The following CNTNAP2 variants were observed in gnomAD, a reference collection of about 807,000 sequenced individuals.
CNTNAP2 encodes contactin-associated protein-like 2.
A neutral mutation model predicts 155.2 loss-of-function variants in CNTNAP2; 98 were observed. The observed-to-expected ratio is 0.63, with a 90% CI of 0.54 to 0.75. CNTNAP2 has a LOEUF of 0.75. Among genes scored for constraint, CNTNAP2 ranks in the 30% least tolerant of loss-of-function variants. The pLI, the probability that CNTNAP2 is intolerant of heterozygous loss-of-function variation, is 0.00. For synonymous variants in CNTNAP2, 651 were observed against 631.2 expected, an observed-to-expected ratio of 1.03 and a Z score of -0.47; for missense variants, 1,727 against 1,688.1, an observed-to-expected ratio of 1.02 and a Z score of -0.40.
At position 146,419,021 on chromosome 7, in the gene CNTNAP2, C is replaced by T. The variant is rs1464281584; in HGVS notation, c.97+302048C>T. On this transcript the variant is annotated intron_variant, in intron 1 of 23. Coordinates refer to ENST00000361727, the MANE Select transcript of CNTNAP2 (RefSeq NM_014141.6). Reference sequence around the variant, plus strand: ...CTAGCCTTTTGTATTTGTCCATTTTCACACTGCTGATAAAGTCATACCTGA... The same window carrying T: ...CTAGCCTTTTGTATTTGTCCATTTTTACACTGCTGATAAAGTCATACCTGA... 2.0e-5 allele frequency among the ~76,000 whole-genome samples: 3 copies of T among 152,124 alleles called. No homozygotes were observed. In the East Asian group the frequency reaches 5.8e-4, roughly 29 times the overall value.
intron 1 of CNTNAP2, among the ~76,000 whole-genome samples, chr7:146,446,832 G>C (rs1410463407): frequency 1.3e-5 from 2 of 151,848 alleles, no homozygotes; most frequent in African/African-American, 4.8e-5. Flanking sequence ...CGCTTTTATT[G>C]TTCTATATTC....
chr7:147,190,054 T>G (rs934535529), intron 8 of CNTNAP2, among the ~76,000 whole-genome samples: 5 of 152,106 alleles, frequency 3.3e-5, no homozygotes, highest in Non-Finnish European at 2.9e-5. Flanking sequence ...TTAACACCAC[T>G]TTTTGAAGAT....
chr7:146,275,177 A>C (rs1800144765), intron 1 of CNTNAP2, among the ~76,000 whole-genome samples: 1 of 152,198 alleles, frequency 6.6e-6, no homozygotes, highest in Non-Finnish European at 1.5e-5. Flanking sequence ...TGTATCAAAT[A>C]GATAAGATTT....
chr7:147,596,219 G>A (rs957666214), intron 12 of CNTNAP2, among the ~76,000 whole-genome samples: 7 of 151,982 alleles, frequency 4.6e-5, no homozygotes, highest in South Asian at 2.1e-4. Flanking sequence ...ATACACACTC[G>A]TCTCTCTTTC....
At chr7:147,132,828 T>C (rs993539814) in intron 8 of CNTNAP2, among the ~76,000 whole-genome samples, 17 of 152,166 alleles carry the variant, frequency 1.1e-4, no homozygotes, top group Non-Finnish European at 7.4e-5. Context: ...AAACAAGGAA[T>C]GTTTATTTTA....
At chr7:148,092,275 T>C (rs1454682619) in intron 15 of CNTNAP2, among the ~76,000 whole-genome samples, 1 of 152,188 alleles carries the variant, frequency 6.6e-6, no homozygotes, top group East Asian at 1.9e-4. Context: ...GGGAAAGTCC[T>C]TGTTTTCTAT....
intron 13 of CNTNAP2, among the ~76,000 whole-genome samples, chr7:147,834,136 C>G (rs1584980807): frequency 6.6e-6 from 1 of 152,178 alleles, no homozygotes; most frequent in South Asian, 2.1e-4. Context: ...CCCTAGCTCT[C>G]CTGTAACAGG....
chr7:147,102,632 C>A (rs1205688586), intron 4 of CNTNAP2, among the ~76,000 whole-genome samples: 8 of 152,196 alleles, frequency 5.3e-5, no homozygotes, highest in Admixed American at 2.0e-4. Flanking sequence ...GTTCCATTTT[C>A]CCCAAAGTAG....
At chr7:147,613,232 G>A (rs1166078831) in intron 12 of CNTNAP2, among the ~76,000 whole-genome samples, 1 of 152,106 alleles carries the variant, frequency 6.6e-6, no homozygotes, top group Non-Finnish European at 1.5e-5. Flanking sequence ...GTATTTCCCT[G>A]GTTACTGTGA....
chr7:147,134,004 A>G (rs1349575043), intron 8 of CNTNAP2, among the ~76,000 whole-genome samples: 1 of 152,082 alleles, frequency 6.6e-6, no homozygotes, highest in East Asian at 1.9e-4. Flanking sequence ...AGATAAAACA[A>G]AAACAAAAGC....
Position 146,878,848 on chromosome 7 carries a change from A to G in CNTNAP2, c.402+38944A>G, listed in dbSNP as rs182337133. 2.6e-5 allele frequency among the ~76,000 whole-genome samples: 4 copies of G among 152,240 alleles called. No homozygotes were observed. In the East Asian group the frequency reaches 5.8e-4, roughly 22 times the overall value. ...ACTCCCCATTGAAATGTCCAACTCA[A>G]AGCAGCTCTGACCACTTTCAAGAAC... On this transcript the variant is annotated intron_variant, in intron 3 of 23. Transcript: ENST00000361727.
intron 21 of CNTNAP2, among the ~76,000 whole-genome samples, chr7:148,269,904 G>A (rs1421431144): frequency 1.3e-5 from 2 of 152,052 alleles, no homozygotes; most frequent in Non-Finnish European, 2.9e-5. Flanking sequence ...CAAAACAAAC[G>A]CTACACTATG....
intron 1 of CNTNAP2, among the ~76,000 whole-genome samples, chr7:146,371,961 A>AG (rs1181343030): frequency 5.3e-5 from 8 of 151,272 alleles, no homozygotes; most frequent in Admixed American, 2.6e-4. Flanking sequence ...TCCATCTCAA[A>AG]AAAAAAAAAA....
At chr7:147,630,032 G>C (rs894406030) in intron 12 of CNTNAP2, among the ~76,000 whole-genome samples, 1 of 151,826 alleles carries the variant, frequency 6.6e-6, no homozygotes, top group East Asian at 1.9e-4. Flanking sequence ...ATGAAAAAAA[G>C]TGGGTTCTTT....
intron 10 of CNTNAP2, among the ~76,000 whole-genome samples, chr7:147,470,485 C>G (rs111230273): frequency 7.7e-6 from 1 of 129,312 alleles, no homozygotes; most frequent in Non-Finnish European, 1.6e-5. Flanking sequence ...GCTATGATAG[C>G]GTCTTGGATT....
intron 10 of CNTNAP2, among the ~76,000 whole-genome samples, chr7:147,478,543 C>T (rs1400467667): frequency 6.6e-6 from 1 of 152,164 alleles, no homozygotes; most frequent in Non-Finnish European, 1.5e-5. Flanking sequence ...GGGTAGGTGG[C>T]CCGGGGCTAG....
intron 13 of CNTNAP2, among the ~76,000 whole-genome samples, chr7:147,678,733 T>A (rs920370324): frequency 3.3e-5 from 5 of 152,002 alleles, no homozygotes; most frequent in African/African-American, 1.2e-4. Context: ...AATTAGATCT[T>A]TGTAAACAAC....
chr7:146,626,166 A>T (rs1368007968), intron 1 of CNTNAP2, among the ~76,000 whole-genome samples: 1 of 152,186 alleles, frequency 6.6e-6, no homozygotes, highest in Admixed American at 6.5e-5. Context: ...AAGGCAATAG[A>T]TATTACAATG....
At chr7:146,705,447 A>G (rs1257680535) in intron 1 of CNTNAP2, among the ~76,000 whole-genome samples, 9 of 151,990 alleles carry the variant, frequency 5.9e-5, no homozygotes, top group Non-Finnish European at 1.3e-4. Context: ...TTAAAAAGGC[A>G]CTAATGACAC....
Sources: gnomAD v4.1 joint callset for allele counts (sites outside exome capture counted in the v4.1 genomes callset) on GRCh38, gnomAD v4.1.1 for gene constraint, MANE v1.5 for transcripts, NCBI Gene and HGNC (gene_info 2026-07-23, HGNC 2026-07-21) for gene names.